Variants in TTF2 observed in about 807,000 individuals in gnomAD.
TTF2 encodes the protein transcription termination factor 2.
TTF2 carries 108 observed loss-of-function variants against 142.4 expected under a neutral mutation model. The ratio of observed to expected loss-of-function variants is 0.76; its 90% CI spans 0.65 to 0.89. The LOEUF is 0.89. TTF2 is among the 40% of genes least tolerant of loss of function. The pLI, the probability that TTF2 is intolerant of heterozygous loss-of-function variation, is 0.00. For missense variants in TTF2, 1,327 were observed against 1,379.8 expected, an observed-to-expected ratio of 0.96 and a Z score of 0.61; for synonymous variants, 483 against 506.2, an observed-to-expected ratio of 0.95 and a Z score of 0.61.
intron 3 of TTF2, among the ~76,000 whole-genome samples, chr1:117,069,262 C>G (rs1466736690): frequency 6.6e-6 from 1 of 152,158 alleles, no homozygotes; most frequent in Non-Finnish European, 1.5e-5. Flanking sequence ...GTTAGATGTA[C>G]TGAGATTGGG....
Position 117,091,680 on chromosome 1 carries a change from C to G in TTF2, c.2672-137C>G, listed in dbSNP as rs993431353. 62 of 1,161,646 alleles carry G rather than the reference C, an allele frequency of 5.3e-5. No individual in the cohort carries two copies. The African/African-American group carries it at 9.1e-4, about 17-fold the overall frequency. 72.0% of individuals were successfully genotyped at this position (1,161,646 alleles called of 1,614,324 possible). A position where few individuals can be genotyped will look rare whatever the true frequency, so the allele number is the denominator to read the frequency against. ...TTTCATTTGGCCTAATTGAAGTGGC[C>G]TATAGAAGTGAGTTGTAACTATATT... On this transcript the variant is annotated intron_variant, in intron 16 of 22. Coordinates refer to ENST00000369466, the MANE Select transcript of TTF2 (RefSeq NM_003594.4).
chr1:117,061,892 A>T (rs962716256), intron 2 of TTF2, among the ~76,000 whole-genome samples: 1 of 152,196 alleles, frequency 6.6e-6, no homozygotes, highest in African/African-American at 2.4e-5. Flanking sequence ...GTTTACTCTC[A>T]AATGTTATAT....
rs771602569 is a variant in TTF2, at chr1:117,092,670, A to G, written c.2806-61A>G. 610 of 1,549,066 alleles carry G rather than the reference A, an allele frequency of 3.9e-4. 2 individuals carry two copies. Among genetic ancestry groups the G allele is most frequent in the Non-Finnish European group, 4.9e-4 (566 of 1,145,384 alleles). On this transcript the variant is annotated intron_variant, in intron 17 of 22. Transcript: ENST00000369466. This position sits in a 1 kb window ranked among gnomAD's most constrained non-coding sequence, Gnocchi z 4.4. Reference sequence around the variant, plus strand: ...GTGGTAAACAATCAAAACATCATCAACAAGTAACAAGGTTTGCTCCCTTGA... The same window carrying G: ...GTGGTAAACAATCAAAACATCATCAGCAAGTAACAAGGTTTGCTCCCTTGA...
rs1196577324 is a variant in TTF2, at chr1:117,103,989, C to T, written c.*2465C>T. 2 of 150,950 alleles carry T rather than the reference C, an allele frequency of 1.3e-5. No homozygotes were observed. Among genetic ancestry groups the T allele is most frequent in the African/African-American group, 4.9e-5 (2 of 41,168 alleles). 9.4% of individuals were successfully genotyped at this position (150,950 alleles called of 1,614,324 possible). A position where few individuals can be genotyped will look rare whatever the true frequency, so the allele number is the denominator to read the frequency against. ...AAAAAAAAAGAGAGAGAAAAAAATCCTTACTTTCTCTACACTCTGATTTCC... is the reference window on the plus strand; with the variant it reads ...AAAAAAAAAGAGAGAGAAAAAAATCTTTACTTTCTCTACACTCTGATTTCC... On this transcript the variant is annotated 3_prime_UTR_variant, in exon 23 of 23. Transcript: ENST00000369466.
chr1:117,093,922 G>A lies in TTF2; in HGVS notation c.2976+1021G>A, dbSNP rs1436556907. 6.6e-6 allele frequency among the ~76,000 whole-genome samples: 1 copy of A among 152,160 alleles called. No homozygotes were observed. The highest frequency in any genetic ancestry group is 1.9e-4 in the East Asian group (1 of 5,192). On this transcript the variant is annotated intron_variant, in intron 18 of 22. Coordinates refer to ENST00000369466, the MANE Select transcript of TTF2 (RefSeq NM_003594.4). This position sits in a 1 kb window ranked among gnomAD's most constrained non-coding sequence, Gnocchi z 4.5. ...ACTGGAATTTGACCCCGGCTCGTGG[G>A]CCATAAATCCAGCCCTCCTGCTGCA...
Position 117,097,206 on chromosome 1 carries a change from T to TA in TTF2, c.3187-134dup, listed in dbSNP as rs11330257. 17,918 of 567,942 alleles carry TA rather than the reference T, an allele frequency of 0.032. 2 individuals carry two copies. Among genetic ancestry groups the TA allele is most frequent in the East Asian group, 0.064 (1,774 of 27,916 alleles). The allele number at this position is 567,942 out of a possible 1,614,324, so 35.2% of individuals were successfully genotyped here. ...GACATGGGAGATAGCATTATAATGT[T>TA]AAAAAAAAAAACAATTTATAACAGC... On this transcript the variant is annotated intron_variant, in intron 20 of 22. Coordinates refer to ENST00000369466, the MANE Select transcript of TTF2 (RefSeq NM_003594.4). This position sits in a 1 kb window ranked among gnomAD's most constrained non-coding sequence, Gnocchi z 4.1.
chr1:117,095,274 C>T (rs1228714459), intron 18 of TTF2, 35 bp from the exon 19 acceptor site: 5 of 1,610,292 alleles, frequency 3.1e-6, no homozygotes, highest in Admixed American at 3.3e-5. Flanking sequence ...AAGTGAATTG[C>T]TTAAACATAC....
rs1241228246 is a variant in TTF2 at position 117,087,294 on chromosome 1, CATTT to C, written c.2160+785_2160+788del. Reference sequence around the variant, plus strand: ...TTTCTTTTCATGATGTATTAGGCTTCATTTATTTATTTATTTGAGGCAGAATCTC... The same window carrying C: ...TTTCTTTTCATGATGTATTAGGCTTCATTTATTTATTTGAGGCAGAATCTC... On this transcript the variant is annotated intron_variant, in intron 12 of 22. Transcript: ENST00000369466. The surrounding 1 kb of genome is among the most constrained non-coding windows in gnomAD (Gnocchi z 4.8). 6.6e-6 allele frequency among the ~76,000 whole-genome samples: 1 copy of C among 152,084 alleles called. No individual in the cohort carries two copies. Among genetic ancestry groups the C allele is most frequent in the South Asian group, 2.1e-4 (1 of 4,812 alleles).
Position 117,075,526 on chromosome 1 carries a change from A to G in TTF2, c.942A>G (p.Gln314=), listed in dbSNP as rs375224417. ...AAAGCCTGCCTCAGGGGCATTTCCA[A>G]GAGCGGCCGGAGACCCACAGTGTGC... ...TQKSLPQGHF[Q]ERPETHSVPA... Residue 314 remains glutamine, a synonymous_variant, in exon 5 of 23, where the codon CAA becomes CAG. Transcript: ENST00000369466. This position sits in a 1 kb window ranked among gnomAD's most constrained non-coding sequence, Gnocchi z 4.5. 2 of 1,614,060 alleles carry G rather than the reference A, an allele frequency of 1.2e-6. 1 individual carries two copies. The highest frequency in any genetic ancestry group is 2.2e-5 in the South Asian group (2 of 91,086).
Position 117,080,008 on chromosome 1 carries a change from C to CTTT in TTF2, c.1783+375_1783+377dup, listed in dbSNP as rs544511918. On this transcript the variant is annotated intron_variant, in intron 9 of 22. Transcript: ENST00000369466. This position sits in a 1 kb window ranked among gnomAD's most constrained non-coding sequence, Gnocchi z 4.3. The stretch of plus-strand genomic sequence containing the variant: ...ACAAACAGCAGTCTATTGCCTCCCT[C>CTTT]TTTTTTTTTTTTTTTTTTGAGATGG... 7.2e-6 allele frequency among the ~76,000 whole-genome samples: 1 copy of CTTT among 138,964 alleles called. No individual in the cohort carries two copies. 91.2% of individuals were successfully genotyped at this position (138,964 alleles called of 152,430 possible). A position where few individuals can be genotyped will look rare whatever the true frequency, so the allele number is the denominator to read the frequency against.
Position 117,076,488 on chromosome 1 carries a change from C to T in TTF2, c.1391-153C>T, listed in dbSNP as rs1657017818. ...TTTCCTGTGGACTCTACTTTCTTCCCCATTGTTTAAGCAACTGTTAAAATG... is the reference window on the plus strand; with the variant it reads ...TTTCCTGTGGACTCTACTTTCTTCCTCATTGTTTAAGCAACTGTTAAAATG... On this transcript the variant is annotated intron_variant, in intron 6 of 22. Transcript: ENST00000369466. This position sits in a 1 kb window ranked among gnomAD's most constrained non-coding sequence, Gnocchi z 4.6. 9.9e-7 allele frequency: 1 copy of T among 1,006,570 alleles called. No individual in the cohort carries two copies. Among genetic ancestry groups the T allele is most frequent in the Non-Finnish European group, 1.4e-6 (1 of 695,918 alleles). The allele number at this position is 1,006,570 out of a possible 1,614,324, so 62.4% of individuals were successfully genotyped here. A position where few individuals can be genotyped will look rare whatever the true frequency, so the allele number is the denominator to read the frequency against.
intron 18 of TTF2, among the ~76,000 whole-genome samples, chr1:117,094,227 T>C (rs1343200883): frequency 6.6e-6 from 1 of 152,174 alleles, no homozygotes; most frequent in African/African-American, 2.4e-5. Context: ...TCAGAATTTA[T>C]CTGGCCTAAG....
rs1441636305 is a variant in TTF2, at chr1:117,074,921, G to C, written c.337G>C (p.Glu113Gln). The change falls in exon 5 of 23, where the codon GAG becomes CAG. Residue 113 changes from glutamate (E) to glutamine (Q), a missense_variant. Transcript: ENST00000369466. ...ATCCAATAAGTCTCAGCATGCATCT[G>C]AGACATTTCATCATTCTTCCAACTG... ...SVSNKSQHAS[E>Q]TFHHSSNWLR... The C allele has an allele frequency of 2.5e-6, 4 of 1,613,054 alleles. No homozygotes were observed. The African/African-American group carries it at 5.4e-5, about 22-fold the overall frequency.
chr1:117,066,983 A>T (rs1290493342), intron 3 of TTF2, among the ~76,000 whole-genome samples: 1 of 152,112 alleles, frequency 6.6e-6, no homozygotes, highest in African/African-American at 2.4e-5. Context: ...GATTACAGGC[A>T]TGAGCCACCT....
intron 2 of TTF2, 142 bp downstream of exon 2, chr1:117,060,699 T>G: frequency 1.4e-6 from 1 of 732,736 alleles, no homozygotes; most frequent in Non-Finnish European, 2.1e-6. Flanking sequence ...AAGCAATTGG[T>G]GATCCCAGGG....
chr1:117,090,728 AT>A lies in TTF2; in HGVS notation c.2588+107del. On this transcript the variant is annotated intron_variant, in intron 15 of 22. Transcript: ENST00000369466. The surrounding 1 kb of genome is among the most constrained non-coding windows in gnomAD (Gnocchi z 4.8). ...TTCCACAAACTTTATGGCATTATTG[AT>A]TAGTTGGATGTCTGTATTCCCTTTT... 1 of 893,934 alleles carries A rather than the reference AT, an allele frequency of 1.1e-6. No individual in the cohort carries two copies. The highest frequency in any genetic ancestry group is 1.7e-6 in the Non-Finnish European group (1 of 575,696). 55.4% of individuals were successfully genotyped at this position (893,934 alleles called of 1,614,324 possible).
At chr1:117,062,534 A>G (rs994097034) in intron 3 of TTF2, 61 bp downstream of exon 3, 2 of 1,481,106 alleles carry the variant, frequency 1.4e-6, no homozygotes, top group Non-Finnish European at 1.8e-6. Context: ...TCCCTGAAAG[A>G]GTTGTAGCCA....
intron 2 of TTF2, among the ~76,000 whole-genome samples, chr1:117,061,037 A>C (rs972882748): frequency 9.9e-5 from 15 of 152,230 alleles, no homozygotes; most frequent in Admixed American, 6.5e-4. Context: ...CTTATTTTTA[A>C]GTAGGATTCT....
In TTF2 at chr1:117,086,530, TG is replaced by T. The variant is rs561865841; in HGVS notation, c.2160+14del. 1.9e-6 allele frequency: 3 copies of T among 1,608,808 alleles called. No individual in the cohort carries two copies. The highest frequency in any genetic ancestry group is 1.7e-4 in the Middle Eastern group (1 of 5,982). Reference sequence around the variant, plus strand: ...GCAAACCTCAATGTGGAGGTGAGGCTGGGGGGCAGCCAGGGAAGTGGAGTTG... The same window carrying T: ...GCAAACCTCAATGTGGAGGTGAGGCTGGGGGCAGCCAGGGAAGTGGAGTTG... On this transcript the variant is annotated intron_variant, in intron 12 of 22. Coordinates refer to ENST00000369466, the MANE Select transcript of TTF2 (RefSeq NM_003594.4). This position sits in a 1 kb window ranked among gnomAD's most constrained non-coding sequence, Gnocchi z 4.2.
Sources: allele counts gnomAD v4.1 joint callset (sites outside exome capture counted in the v4.1 genomes callset), GRCh38; gene constraint gnomAD v4.1.1; non-coding constraint Gnocchi (gnomAD v3.1); transcripts MANE v1.5; gene names NCBI Gene and HGNC (gene_info 2026-07-23, HGNC 2026-07-21).